The following BCAS3 variants were observed in gnomAD, a reference collection of about 807,000 sequenced individuals.
The protein encoded by BCAS3 is BCAS4/BCAS3 fusion.
A neutral mutation model predicts 116.1 loss-of-function variants in BCAS3; 53 were observed. That is an observed-to-expected ratio of 0.46 (90% CI 0.37 to 0.57). The LOEUF (loss-of-function observed/expected upper bound fraction) is 0.57. Ranked by LOEUF, BCAS3 falls within the 20% of genes least tolerant of loss-of-function variation. The pLI, the probability that BCAS3 is intolerant of heterozygous loss-of-function variation, is 0.00. For synonymous variants in BCAS3, 391 were observed against 408.2 expected (o/e 0.96, Z 0.51); for missense variants, 917 against 1,165.4 (o/e 0.79, Z 3.10).
Position 60,923,555 on chromosome 17 carries a change from G to GA in BCAS3, c.994-845dup, listed in dbSNP as rs2059214588. Among the ~76,000 whole-genome samples the GA allele has an allele frequency of 2.6e-5, 4 of 152,084 alleles. No homozygotes were observed. The South Asian group carries it at 8.3e-4, about 32-fold the overall frequency. Reference sequence around the variant, plus strand: ...TGACTCTTAACATGCATTTTTGAGAGAAAAAAATAGCGTTGCCAGTGTAGG... The same window carrying GA: ...TGACTCTTAACATGCATTTTTGAGAGAAAAAAAATAGCGTTGCCAGTGTAGG... On this transcript the variant is annotated intron_variant, in intron 12 of 23. Transcript: ENST00000407086.
intron 6 of BCAS3, among the ~76,000 whole-genome samples, chr17:60,787,494 G>A (rs944897666): frequency 6.6e-6 from 1 of 152,122 alleles, no homozygotes; most frequent in Admixed American, 6.6e-5. Flanking sequence ...GTTATTATGA[G>A]TAAAGCTGTT....
At chr17:60,691,115 T>C (rs1041071751) in intron 4 of BCAS3, among the ~76,000 whole-genome samples, 1 of 151,944 alleles carries the variant, frequency 6.6e-6, no homozygotes, top group Non-Finnish European at 1.5e-5. Flanking sequence ...GTATTTTTAG[T>C]AGAGACGAGG....
intron 6 of BCAS3, among the ~76,000 whole-genome samples, chr17:60,802,359 C>T (rs1421672469): frequency 8.0e-6 from 1 of 125,736 alleles, no homozygotes; most frequent in African/African-American, 4.8e-5. Context: ...CACACACATA[C>T]ATACATACAT....
At chr17:61,069,186 A>G (rs2071048508) in intron 19 of BCAS3, among the ~76,000 whole-genome samples, 1 of 152,184 alleles carries the variant, frequency 6.6e-6, no homozygotes, top group African/African-American at 2.4e-5. Flanking sequence ...GACCAACAAG[A>G]ATCCCCAAAT....
intron 7 of BCAS3, among the ~76,000 whole-genome samples, chr17:60,857,783 G>C (rs1488678888): frequency 6.6e-6 from 1 of 152,212 alleles, no homozygotes; most frequent in Non-Finnish European, 1.5e-5. Flanking sequence ...AATTTGTGAA[G>C]ACCCTTATTT....
At chr17:60,965,271 G>T (rs1156919222) in intron 14 of BCAS3, among the ~76,000 whole-genome samples, 1 of 148,812 alleles carries the variant, frequency 6.7e-6, no homozygotes, top group East Asian at 2.0e-4. Context: ...CTCCAGGCTG[G>T]AGTGCAGTGG....
intron 13 of BCAS3, among the ~76,000 whole-genome samples, chr17:60,933,891 TAC>T (rs1179662568): frequency 6.6e-6 from 1 of 152,210 alleles, no homozygotes; most frequent in Non-Finnish European, 1.5e-5. Context: ...GGTTTGTACT[TAC>T]TCTCTTGTTT....
At chr17:60,973,079 GT>G (rs1181448606) in intron 14 of BCAS3, among the ~76,000 whole-genome samples, 1 of 152,108 alleles carries the variant, frequency 6.6e-6, no homozygotes, top group Admixed American at 6.5e-5. Flanking sequence ...TTTAACAATG[GT>G]TTTTTAAAAT....
intron 13 of BCAS3, among the ~76,000 whole-genome samples, chr17:60,929,544 T>C (rs987102383): frequency 3.3e-5 from 5 of 152,110 alleles, no homozygotes; most frequent in African/African-American, 4.8e-5. Flanking sequence ...ATGTAATTTC[T>C]TTTTTATTTT....
chr17:61,078,593 A>G, intron 21 of BCAS3, 64 bp downstream of exon 21: 1 of 1,375,154 alleles, frequency 7.3e-7, no homozygotes, highest in Non-Finnish European at 1.0e-6. Context: ...TGAAATGAGC[A>G]TCATATGTAA....
chr17:60,685,934 A>G (rs1053316376), intron 3 of BCAS3, among the ~76,000 whole-genome samples: 26 of 151,086 alleles, frequency 1.7e-4, no homozygotes, highest in Admixed American at 1.3e-4. Context: ...CAGTGGCATG[A>G]TCTTGGCTCA....
At chr17:61,085,342 G>T (rs928346030) in intron 22 of BCAS3, among the ~76,000 whole-genome samples, 2 of 152,154 alleles carry the variant, frequency 1.3e-5, no homozygotes, top group Admixed American at 6.5e-5. Context: ...AATACTCGGC[G>T]TTAGTCAAAC....
chr17:61,081,160 T>G (rs2072562266), intron 21 of BCAS3, among the ~76,000 whole-genome samples: 1 of 152,226 alleles, frequency 6.6e-6, no homozygotes, highest in African/African-American at 2.4e-5. Flanking sequence ...ACCAATTTAT[T>G]CTCTTCACAA....
rs531374411 is a variant in BCAS3 at position 60,716,134 on chromosome 17, T to A, written c.321+6809T>A. Among the ~76,000 whole-genome samples the A allele has an allele frequency of 3.2e-3, 489 of 152,346 alleles. 3 individuals are homozygous for A. The highest frequency in any genetic ancestry group is 4.0e-3 in the Non-Finnish European group (274 of 68,028). On this transcript the variant is annotated intron_variant, in intron 5 of 23. Transcript: ENST00000407086. Reference sequence around the variant, plus strand: ...CCTCGGCCTCCCAAAGTGCTGGGATTACAGGCGTGAGCCACCGCGCACAGC... The same window carrying A: ...CCTCGGCCTCCCAAAGTGCTGGGATAACAGGCGTGAGCCACCGCGCACAGC...
Position 61,261,627 on chromosome 17 carries a change from A to G in BCAS3, c.2426-106700A>G, listed in dbSNP as rs1441415251. On this transcript the variant is annotated intron_variant, in intron 22 of 23. Transcript: ENST00000407086. The surrounding 1 kb of genome is among the most constrained non-coding windows in gnomAD (Gnocchi z 4.4). ...AAATCATGTGGTGTTTGATGTGACCATCTCCACGATTTCTAGTGTACAAAT... is the reference window on the plus strand; with the variant it reads ...AAATCATGTGGTGTTTGATGTGACCGTCTCCACGATTTCTAGTGTACAAAT... 6.6e-6 allele frequency among the ~76,000 whole-genome samples: 1 copy of G among 152,210 alleles called. No homozygotes were observed. Among genetic ancestry groups the G allele is most frequent in the Non-Finnish European group, 1.5e-5 (1 of 68,038 alleles).
intron 22 of BCAS3, among the ~76,000 whole-genome samples, chr17:61,184,690 A>G (rs1424968641): frequency 6.6e-6 from 1 of 152,208 alleles, no homozygotes; most frequent in Non-Finnish European, 1.5e-5. Context: ...GCAATAGCCA[A>G]AAACTAAAAG....
rs1375863610 is a variant in BCAS3, at chr17:60,990,724, G to A, written c.1486+489G>A. Among the ~76,000 whole-genome samples the A allele has an allele frequency of 6.6e-6, 1 of 151,446 alleles. No individual in the cohort carries two copies. The highest frequency in any genetic ancestry group is 2.4e-5 in the African/African-American group (1 of 41,146). ...TGCAATGGCGTGATCTCGGCTGACT[G>A]CAACCTCTACCTCCCAGGTTCAAGC... is the stretch of plus-strand genomic sequence containing the variant. On this transcript the variant is annotated intron_variant, in intron 15 of 23. Coordinates refer to ENST00000407086, the MANE Select transcript of BCAS3 (RefSeq NM_017679.5). This position sits in a 1 kb window ranked among gnomAD's most constrained non-coding sequence, Gnocchi z 5.1.
intron 6 of BCAS3, among the ~76,000 whole-genome samples, chr17:60,778,812 G>A (rs963893151): frequency 6.6e-6 from 1 of 152,078 alleles, no homozygotes; most frequent in Non-Finnish European, 1.5e-5. Flanking sequence ...CCCTGTAGTA[G>A]TATTCTTTTG....
chr17:60,994,477 C>T lies in BCAS3; in HGVS notation c.1486+4242C>T, dbSNP rs940449502. Among the ~76,000 whole-genome samples, 5 of 151,910 alleles carry T rather than the reference C, an allele frequency of 3.3e-5. No homozygotes were observed. The highest frequency in any genetic ancestry group is 7.4e-5 in the Non-Finnish European group (5 of 67,974). On this transcript the variant is annotated intron_variant, in intron 15 of 23. Coordinates refer to ENST00000407086, the MANE Select transcript of BCAS3 (RefSeq NM_017679.5). The surrounding 1 kb of genome is among the most constrained non-coding windows in gnomAD (Gnocchi z 4.4). The stretch of plus-strand genomic sequence containing the variant: ...TAAGAATCCCTGATCATCATTTTTT[C>T]CCTCATCTATATCAGTAATTTCTAA...
Sources: gnomAD v4.1 joint callset for allele counts (sites outside exome capture counted in the v4.1 genomes callset) on GRCh38, gnomAD v4.1.1 for gene constraint, Gnocchi (gnomAD v3.1) non-coding constraint, MANE v1.5 for transcripts, NCBI Gene and HGNC (gene_info 2026-07-23, HGNC 2026-07-21) for gene names.